Variants in LRMDA observed in about 807,000 individuals in gnomAD.
LRMDA encodes the protein leucine-rich melanocyte differentiation-associated protein.
A neutral mutation model predicts 29.8 loss-of-function variants in LRMDA; 18 were observed. The observed-to-expected ratio is 0.60, with a 90% CI of 0.42 to 0.90. LRMDA has a LOEUF of 0.90. Ranked by LOEUF, LRMDA falls within the 40% of genes least tolerant of loss-of-function variation. The pLI, the probability that LRMDA is intolerant of heterozygous loss-of-function variation, is 0.00. For missense variants in LRMDA, 273 were observed against 273.9 expected (o/e 1.00, Z 0.02); for synonymous variants, 125 against 109.4 (o/e 1.14, Z -0.89).
chr10:76,024,150 T>C (rs1848022920), intron 2 of LRMDA, among the ~76,000 whole-genome samples: 1 of 152,230 alleles, frequency 6.6e-6, no homozygotes, highest in Non-Finnish European at 1.5e-5. Context: ...GTTGACAAGA[T>C]ATTCCTCATC....
At chr10:76,177,322 T>A (rs1285152585) in intron 5 of LRMDA, among the ~76,000 whole-genome samples, 1 of 151,868 alleles carries the variant, frequency 6.6e-6, no homozygotes, top group African/African-American at 2.4e-5. Context: ...ATCTGATCAC[T>A]TTCTTTGGAA....
intron 2 of LRMDA, among the ~76,000 whole-genome samples, chr10:75,870,856 TC>T (rs1845097005): frequency 6.6e-6 from 1 of 152,200 alleles, no homozygotes; most frequent in African/African-American, 2.4e-5. Flanking sequence ...CCCAGCTCTG[TC>T]CCACTTTCCG....
intron 6 of LRMDA, among the ~76,000 whole-genome samples, chr10:76,376,863 G>GTGTTTT: frequency 4.9e-5 from 1 of 20,502 alleles, no homozygotes; most frequent in African/African-American, 2.0e-4. Flanking sequence ...GCACTTGGAA[G>GTGTTTT]TCTTTTTTTT....
chr10:75,833,665 T>C (rs1247860539), intron 2 of LRMDA, among the ~76,000 whole-genome samples: 1 of 152,164 alleles, frequency 6.6e-6, no homozygotes, highest in African/African-American at 2.4e-5. Flanking sequence ...CAGCTAAAAA[T>C]AACAAATCTC....
intron 2 of LRMDA, among the ~76,000 whole-genome samples, chr10:75,684,803 C>A (rs1187473957): frequency 1.3e-5 from 2 of 152,170 alleles, no homozygotes; most frequent in Non-Finnish European, 2.9e-5. Flanking sequence ...TTGCCAGGAA[C>A]ACATATTTCA....
intron 5 of LRMDA, among the ~76,000 whole-genome samples, chr10:76,221,969 T>C (rs1370657052): frequency 1.3e-5 from 2 of 151,800 alleles, no homozygotes; most frequent in Non-Finnish European, 2.9e-5. Context: ...ACGCCACGTA[T>C]CTACAACTAT....
intron 2 of LRMDA, among the ~76,000 whole-genome samples, chr10:75,848,795 G>T (rs1844683473): frequency 6.6e-6 from 1 of 152,204 alleles, no homozygotes; most frequent in South Asian, 2.1e-4. Flanking sequence ...TCACTCTTCT[G>T]TGTAAGTTCC....
chr10:75,954,793 G>T (rs539329147), intron 2 of LRMDA, among the ~76,000 whole-genome samples: 16 of 152,348 alleles, frequency 1.1e-4, no homozygotes, highest in Admixed American at 3.3e-4. Flanking sequence ...TGACAGAGAA[G>T]ATGATATTTT....
chr10:76,060,994 C>CT (rs1848693445), intron 5 of LRMDA, among the ~76,000 whole-genome samples: 4 of 152,100 alleles, frequency 2.6e-5, no homozygotes, highest in African/African-American at 9.7e-5. Context: ...ACAGAACTAC[C>CT]ATTTGACCTA....
intron 5 of LRMDA, among the ~76,000 whole-genome samples, chr10:76,245,409 T>G (rs1163580375): frequency 1.3e-5 from 2 of 152,176 alleles, no homozygotes; most frequent in African/African-American, 4.8e-5. Context: ...TTTTGGGACA[T>G]TAGCCCTCTT....
intron 5 of LRMDA, among the ~76,000 whole-genome samples, chr10:76,140,199 A>G (rs1850172925): frequency 6.6e-6 from 1 of 152,134 alleles, no homozygotes; most frequent in African/African-American, 2.4e-5. Context: ...CAACAGAATA[A>G]AAGTTACCCT....
intron 2 of LRMDA, among the ~76,000 whole-genome samples, chr10:75,626,750 A>G (rs115762446): frequency 0.02 from 2,988 of 152,256 alleles, 87 homozygotes; most frequent in African/African-American, 0.068. Flanking sequence ...TGTTTATGTG[A>G]CAGCAAAGCC....
intron 2 of LRMDA, among the ~76,000 whole-genome samples, chr10:75,466,666 A>T (rs914655516): frequency 1.8e-4 from 28 of 152,102 alleles, no homozygotes; most frequent in Admixed American, 1.6e-3. Flanking sequence ...TGGATAGGTG[A>T]GGCTGTGCCC....
intron 2 of LRMDA, among the ~76,000 whole-genome samples, chr10:75,917,971 A>G (rs898030926): frequency 6.6e-6 from 1 of 152,118 alleles, no homozygotes; most frequent in African/African-American, 2.4e-5. Context: ...GCACACACAC[A>G]CACACACACA....
At chr10:76,199,475 C>T (rs187210769) in intron 5 of LRMDA, among the ~76,000 whole-genome samples, 1 of 152,246 alleles carries the variant, frequency 6.6e-6, no homozygotes, top group African/African-American at 2.4e-5. Flanking sequence ...GTCTATCTTG[C>T]AGAACCATGC....
chr10:76,108,976 A>G (rs1222585769), intron 5 of LRMDA, among the ~76,000 whole-genome samples: 2 of 152,220 alleles, frequency 1.3e-5, no homozygotes, highest in Non-Finnish European at 2.9e-5. Context: ...ATGGGCAGCG[A>G]ATTTCTGAAA....
intron 4 of LRMDA, among the ~76,000 whole-genome samples, chr10:76,048,120 A>G (rs1204956534): frequency 6.6e-6 from 1 of 152,226 alleles, no homozygotes; most frequent in African/African-American, 2.4e-5. Context: ...CCATTATGAC[A>G]TAAGCTCTCA....
chr10:76,372,382 C>T (rs11001755), intron 6 of LRMDA, among the ~76,000 whole-genome samples: 87,130 of 151,876 alleles, frequency 0.57, 29,601 homozygotes, highest in Non-Finnish European at 0.79. Flanking sequence ...GGAGGCTGAG[C>T]GGGGCAGATC....
intron 5 of LRMDA, among the ~76,000 whole-genome samples, chr10:76,172,133 C>G (rs1175184681): frequency 6.6e-6 from 1 of 152,198 alleles, no homozygotes; most frequent in East Asian, 1.9e-4. Flanking sequence ...TCACTCACCA[C>G]TGTAGGAAGG....
Sources: allele counts gnomAD v4.1 joint callset (sites outside exome capture counted in the v4.1 genomes callset), GRCh38; gene constraint gnomAD v4.1.1; transcripts MANE v1.5; gene names NCBI Gene and HGNC (gene_info 2026-07-23, HGNC 2026-07-21).